Variants in TXNDC5 observed in about 807,000 individuals in gnomAD.
TXNDC5 encodes thioredoxin domain-containing protein 5.
TXNDC5 carries 44 observed loss-of-function variants against 52.6 expected under a neutral mutation model. That is an observed-to-expected ratio of 0.84 (90% confidence interval 0.66 to 1.08). The LOEUF (loss-of-function observed/expected upper bound fraction) is 1.08. Among genes scored for constraint, TXNDC5 ranks in the 50% least tolerant of loss-of-function variants. The pLI, the probability that TXNDC5 is intolerant of heterozygous loss-of-function variation, is 0.00. For synonymous variants in TXNDC5, 241 were observed against 234.4 expected, an observed-to-expected ratio of 1.03 and a Z score of -0.26; for missense variants, 600 against 565.5, an observed-to-expected ratio of 1.06 and a Z score of -0.62.
intron 9 of TXNDC5, among the ~76,000 whole-genome samples, chr6:7,883,767 G>A (rs1257668196): frequency 6.6e-6 from 1 of 152,124 alleles, no homozygotes. Context: ...CTATGTCTGG[G>A]TTACGTCTAT....
chr6:7,900,773 G>A (rs528866895), intron 2 of TXNDC5, among the ~76,000 whole-genome samples: 16 of 152,262 alleles, frequency 1.1e-4, no homozygotes, highest in Middle Eastern at 3.4e-3. Flanking sequence ...TCTTCTTGCT[G>A]TGCCCTCACA....
In TXNDC5 at chr6:7,881,528, AAG is replaced by A. The variant is rs148064346; in HGVS notation, c.*1614_*1615del. ...AGGAAAGACCAGACTTTTAAAAAAA[AAG>A]AGTTTATTTAGAAAGTATCATAGTG... On this transcript the variant is annotated 3_prime_UTR_variant, in exon 10 of 10. Coordinates refer to ENST00000379757, the MANE Select transcript of TXNDC5 (RefSeq NM_030810.5). The A allele has an allele frequency of 0.026, 3,982 of 152,612 alleles. 67 individuals are homozygous for A. The highest frequency in any genetic ancestry group is 0.037 in the African/African-American group (1,548 of 41,558). The allele number at this position is 152,612 out of a possible 1,614,324, so 9.5% of individuals were successfully genotyped here.
chr6:7,907,609 C>T (rs550139326), intron 1 of TXNDC5, among the ~76,000 whole-genome samples: 2 of 152,330 alleles, frequency 1.3e-5, no homozygotes, highest in South Asian at 4.1e-4. Context: ...TTTCACCACT[C>T]CACGGCAGCT....
Position 7,881,970 on chromosome 6 carries a change from G to GAT in TXNDC5, c.*1173_*1174insAT. 1 of 152,680 alleles carries GAT rather than the reference G, an allele frequency of 6.5e-6. No homozygotes were observed. The highest frequency in any genetic ancestry group is 2.1e-4 in the South Asian group (1 of 4,832). The allele number at this position is 152,680 out of a possible 1,614,324, so 9.5% of individuals were successfully genotyped here. On this transcript the variant is annotated 3_prime_UTR_variant, in exon 10 of 10. Coordinates refer to ENST00000379757, the MANE Select transcript of TXNDC5 (RefSeq NM_030810.5). ...TATGTGCTTATTCCCAAGGGAGATA[G>GAT]AGGTGTTTAATCACAAGGACAGCAT...
chr6:7,894,812 C>A, intron 4 of TXNDC5: 1 of 985,398 alleles, frequency 1.0e-6, no homozygotes, highest in African/African-American at 1.7e-5. Context: ...AGCAATCAAG[C>A]GAGGTGAGTC....
Position 7,882,658 on chromosome 6 carries a change from T to C in TXNDC5, c.*486A>G, listed in dbSNP as rs1759806196. 6.4e-6 allele frequency: 1 copy of C among 156,494 alleles called. No individual in the cohort carries two copies. Among genetic ancestry groups the C allele is most frequent in the Non-Finnish European group, 1.4e-5 (1 of 70,592 alleles). 9.7% of individuals were successfully genotyped at this position (156,494 alleles called of 1,614,324 possible). ...GGTTTTTGCATTTCAATCTGCTCCATGCTACGGACCAACACAGTATTGAGT... is the reference window on the plus strand; with the variant it reads ...GGTTTTTGCATTTCAATCTGCTCCACGCTACGGACCAACACAGTATTGAGT... On this transcript the variant is annotated 3_prime_UTR_variant, in exon 10 of 10. Coordinates refer to ENST00000379757, the MANE Select transcript of TXNDC5 (RefSeq NM_030810.5).
At chr6:7,894,127 G>A (rs1419385538) in intron 4 of TXNDC5, among the ~76,000 whole-genome samples, 2 of 152,044 alleles carry the variant, frequency 1.3e-5, no homozygotes, top group African/African-American at 2.4e-5. Flanking sequence ...GTTTTGTTTG[G>A]TTGTTTTCTG....
At chr6:7,905,672 C>T (rs1760707359) in intron 1 of TXNDC5, among the ~76,000 whole-genome samples, 1 of 152,198 alleles carries the variant, frequency 6.6e-6, no homozygotes, top group Admixed American at 6.5e-5. Context: ...CAGTGCCATA[C>T]TCGAATTTTG....
chr6:7,891,369 T>C (rs1219044355), intron 5 of TXNDC5, among the ~76,000 whole-genome samples: 1 of 152,106 alleles, frequency 6.6e-6, no homozygotes, highest in African/African-American at 2.4e-5. Context: ...GGGCTGCCAA[T>C]TCAGATTTGG....
At position 7,895,811 on chromosome 6, in the gene TXNDC5, T is replaced by A. The variant is rs1285665686; in HGVS notation, c.520-609A>T. Among the ~76,000 whole-genome samples, 6 of 151,596 alleles carry A rather than the reference T, an allele frequency of 4.0e-5. No homozygotes were observed. In the East Asian group the frequency reaches 1.2e-3, roughly 30 times the overall value. ...TTCAAGACCAGCCTAGGCAACAGAG[T>A]GAGACCCCATCGCTACAAAAAAAAA... On this transcript the variant is annotated intron_variant, in intron 3 of 9. Coordinates refer to ENST00000379757, the MANE Select transcript of TXNDC5 (RefSeq NM_030810.5).
intron 4 of TXNDC5, 37 bp from the exon 5 acceptor site, chr6:7,891,773 G>C (rs1199082984): frequency 1.3e-5 from 19 of 1,470,498 alleles, no homozygotes; most frequent in Non-Finnish European, 1.7e-5. Flanking sequence ...GGGGGAAAGA[G>C]GAACTGTAAT....
At chr6:7,898,464 C>T (rs1760449651) in intron 3 of TXNDC5, among the ~76,000 whole-genome samples, 1 of 152,172 alleles carries the variant, frequency 6.6e-6, no homozygotes, top group Admixed American at 6.5e-5. Flanking sequence ...CGCACAGACA[C>T]ACTGGAAACT....
chr6:7,887,541 TCTC>T (rs536609782), intron 7 of TXNDC5, among the ~76,000 whole-genome samples: 204 of 152,006 alleles, frequency 1.3e-3, no homozygotes, highest in Middle Eastern at 6.8e-3. Context: ...ATGCTGGCTT[TCTC>T]CTCCTCGCCA....
chr6:7,897,491 C>T (rs1249419788), intron 3 of TXNDC5, among the ~76,000 whole-genome samples: 3 of 152,158 alleles, frequency 2.0e-5, no homozygotes, highest in African/African-American at 2.4e-5. Flanking sequence ...CACAATAAGG[C>T]GCATTGTCAT....
chr6:7,910,257 G>A (rs1581335401), intron 1 of TXNDC5, among the ~76,000 whole-genome samples: 14 of 149,432 alleles, frequency 9.4e-5, no homozygotes, highest in Admixed American at 8.0e-4. Flanking sequence ...TCCCGGCCCC[G>A]AGCCGCGGCG....
At chr6:7,907,063 T>C (rs1760759997) in intron 1 of TXNDC5, among the ~76,000 whole-genome samples, 1 of 152,196 alleles carries the variant, frequency 6.6e-6, no homozygotes, top group South Asian at 2.1e-4. Flanking sequence ...TCAAGGGCAG[T>C]TCTGACCTTC....
At position 7,895,179 on chromosome 6, in the gene TXNDC5, C is replaced by A; in HGVS notation, c.543G>T (p.Pro181=). The change falls in exon 4 of 10, where the codon CCG becomes CCT. Residue 181 remains proline, a synonymous_variant. Transcript: ENST00000379757. ...EPVTPEPEVE[P]PSAPELKQGL... is the part of the protein sequence containing the mutation. ...CTTGCTTGAGCTCGGGGGCACTGGG[C>A]GGTTCCACTTCCGGCTCTGGTGTCT... 6.2e-7 allele frequency: 1 copy of A among 1,613,340 alleles called. No individual in the cohort carries two copies. Among genetic ancestry groups the A allele is most frequent in the Non-Finnish European group, 8.5e-7 (1 of 1,179,694 alleles).
chr6:7,891,408 G>A (rs940003669), intron 5 of TXNDC5, among the ~76,000 whole-genome samples: 1 of 152,146 alleles, frequency 6.6e-6, no homozygotes, highest in Non-Finnish European at 1.5e-5. Flanking sequence ...CAAAGCAGCC[G>A]AGGCCATAAT....
intron 3 of TXNDC5, among the ~76,000 whole-genome samples, chr6:7,897,872 G>C (rs1328260762): frequency 1.1e-4 from 16 of 152,182 alleles, no homozygotes; most frequent in Admixed American, 1.0e-3. Flanking sequence ...CCCACAAAGA[G>C]AATATTTTCA....
Sources: gnomAD v4.1 joint callset for allele counts (sites outside exome capture counted in the v4.1 genomes callset) on GRCh38, gnomAD v4.1.1 for gene constraint, MANE v1.5 for transcripts, NCBI Gene and HGNC (gene_info 2026-07-23, HGNC 2026-07-21) for gene names.